RELN: variants seen among roughly 807,000 people sequenced by gnomAD.
RELN encodes the protein reelin.
In RELN, 108 loss-of-function variants were observed where a neutral mutation model predicts 427.6. The observed-to-expected ratio is 0.25, with a 90% CI of 0.22 to 0.30. The LOEUF is 0.30. RELN is among the 10% of genes least tolerant of loss of function. RELN has a pLI of 1.00. For synonymous variants in RELN, 1,524 were observed against 1,513.4 expected, an observed-to-expected ratio of 1.01 and a Z score of -0.16; for missense variants, 3,715 against 4,302.8, an observed-to-expected ratio of 0.86 and a Z score of 3.82.
intron 2 of RELN, among the ~76,000 whole-genome samples, chr7:103,885,961 G>A (rs1357404176): frequency 1.3e-5 from 2 of 151,974 alleles, no homozygotes; most frequent in African/African-American, 4.8e-5. Flanking sequence ...AGAAGAAATG[G>A]TGATTATTTT....
At chr7:103,514,591 G>A (rs751637718) in intron 50 of RELN, among the ~76,000 whole-genome samples, 6 of 152,064 alleles carry the variant, frequency 3.9e-5, no homozygotes, top group South Asian at 2.1e-4. Context: ...CCTGGGAGGC[G>A]GAGGTTGCAG....
intron 2 of RELN, among the ~76,000 whole-genome samples, chr7:103,905,503 A>G (rs1372818987): frequency 6.6e-6 from 1 of 152,070 alleles, no homozygotes; most frequent in African/African-American, 2.4e-5. Context: ...TCAAACTTAA[A>G]GACAGTAATA....
At chr7:103,961,987 G>C (rs747272730) in intron 1 of RELN, among the ~76,000 whole-genome samples, 1 of 152,100 alleles carries the variant, frequency 6.6e-6, no homozygotes, top group Non-Finnish European at 1.5e-5. Context: ...TTAGGGGTGA[G>C]GGGTGGAGAA....
At position 103,514,946 on chromosome 7, in the gene RELN, G is replaced by A. The variant is rs1829523025; in HGVS notation, c.8119+239C>T. On this transcript the variant is annotated intron_variant, in intron 50 of 64. Transcript: ENST00000428762. ...AAATTTTCTAAGAAAAGAAAATCCT[G>A]TTAATAAAATTATAGATTGCTATAT... Among the ~76,000 whole-genome samples, 4 of 152,196 alleles carry A rather than the reference G, an allele frequency of 2.6e-5. No homozygotes were observed. The South Asian group carries it at 8.3e-4, about 32-fold the overall frequency.
chr7:103,588,869 A>G lies in RELN; in HGVS notation c.4145+727T>C, dbSNP rs1831341719. 3.3e-5 allele frequency among the ~76,000 whole-genome samples: 5 copies of G among 152,262 alleles called. No individual in the cohort carries two copies. In the South Asian group the frequency reaches 1.0e-3, roughly 32 times the overall value. ...CTTCTGCACTTCCCACACTGTGCCT[A>G]TTTGCTATGCTATCTATTTGATGTG... On this transcript the variant is annotated intron_variant, in intron 28 of 64. Transcript: ENST00000428762.
At chr7:103,815,182 T>C (rs1013118276) in intron 3 of RELN, among the ~76,000 whole-genome samples, 2 of 151,946 alleles carry the variant, frequency 1.3e-5, no homozygotes, top group African/African-American at 2.4e-5. Flanking sequence ...CATAGAGCTA[T>C]TTCTTGAGTC....
chr7:103,646,091 T>C lies in RELN; in HGVS notation c.2002+4183A>G, dbSNP rs1038911144. Among the ~76,000 whole-genome samples the C allele has an allele frequency of 1.5e-4, 22 of 151,354 alleles. No homozygotes were observed. In the East Asian group the frequency reaches 2.7e-3, roughly 19 times the overall value. On this transcript the variant is annotated intron_variant, in intron 16 of 64. Transcript: ENST00000428762. Reference sequence around the variant, plus strand: ...AAAAAAATTTTGAAATGAGTGAAAATAGAGACATAACAAAACTTCTAAGAT... The same window carrying C: ...AAAAAAATTTTGAAATGAGTGAAAACAGAGACATAACAAAACTTCTAAGAT...
At chr7:103,667,842 G>A (rs1299791683) in intron 11 of RELN, among the ~76,000 whole-genome samples, 1 of 152,048 alleles carries the variant, frequency 6.6e-6, no homozygotes, top group Non-Finnish European at 1.5e-5. Flanking sequence ...GACTATCCAG[G>A]GAAATAATTT....
intron 11 of RELN, among the ~76,000 whole-genome samples, chr7:103,677,242 T>A: frequency 7.4e-6 from 1 of 134,338 alleles, no homozygotes. Flanking sequence ...GAGGGGAACA[T>A]CATACACTAG....
chr7:103,635,617 G>A, intron 18 of RELN, 31 bp from the exon 19 acceptor site: 2 of 1,574,562 alleles, frequency 1.3e-6, no homozygotes, highest in South Asian at 1.1e-5. Flanking sequence ...ATTAGTGTAT[G>A]CATAAACATT....
chr7:103,616,302 G>A (rs1450315755), intron 20 of RELN, among the ~76,000 whole-genome samples: 1 of 152,086 alleles, frequency 6.6e-6, no homozygotes, highest in Non-Finnish European at 1.5e-5. Context: ...ATATTCATCT[G>A]AAGAAGAAGA....
At chr7:103,928,107 T>G (rs965382545) in intron 1 of RELN, among the ~76,000 whole-genome samples, 4 of 152,184 alleles carry the variant, frequency 2.6e-5, no homozygotes, top group Non-Finnish European at 5.9e-5. Context: ...TATAGATTTT[T>G]ATAAACATAT....
chr7:103,590,566 AAATAAAT>A (rs753842578), intron 27 of RELN, among the ~76,000 whole-genome samples: 89,097 of 147,778 alleles, frequency 0.6, 26,569 homozygotes, highest in East Asian at 0.67. Flanking sequence ...TCTCAACAAT[AAATAAAT>A]AAATAAATAA....
intron 64 of RELN, among the ~76,000 whole-genome samples, chr7:103,474,623 A>G (rs1382982258): frequency 6.6e-6 from 1 of 152,096 alleles, no homozygotes; most frequent in Non-Finnish European, 1.5e-5. Flanking sequence ...AAAAACCCCC[A>G]AGGAATTAAT....
chr7:103,493,671 A>G (rs1322286960), intron 57 of RELN, among the ~76,000 whole-genome samples: 1 of 152,172 alleles, frequency 6.6e-6, no homozygotes, highest in African/African-American at 2.4e-5. Context: ...GAGGGGAGAA[A>G]AGCCATAAGA....
chr7:103,748,645 G>T (rs1790915476), intron 6 of RELN, among the ~76,000 whole-genome samples: 1 of 152,092 alleles, frequency 6.6e-6, no homozygotes. Flanking sequence ...AAATAAAACA[G>T]AAATGAATAT....
chr7:103,802,433 A>G (rs772533455), intron 3 of RELN, among the ~76,000 whole-genome samples: 10 of 152,202 alleles, frequency 6.6e-5, no homozygotes, highest in Non-Finnish European at 1.5e-4. Flanking sequence ...TTATTACTGT[A>G]AAACAAATCA....
At chr7:103,894,930 C>A (rs561663842) in intron 2 of RELN, among the ~76,000 whole-genome samples, 1 of 152,134 alleles carries the variant, frequency 6.6e-6, no homozygotes, top group Non-Finnish European at 1.5e-5. Flanking sequence ...AAATCATACA[C>A]TTACCCTGCT....
chr7:103,545,132 T>G lies in RELN; in HGVS notation c.6515A>C (p.Asp2172Ala). 6.2e-7 allele frequency: 1 copy of G among 1,613,180 alleles called. No homozygotes were observed. The highest frequency in any genetic ancestry group is 8.5e-7 in the Non-Finnish European group (1 of 1,179,688). ...TTGTAAGAAAAGACTACCTTCGAAATCATCTTTGAGAAAATCAGGATTTTT... is the reference window on the plus strand; with the variant it reads ...TTGTAAGAAAAGACTACCTTCGAAAGCATCTTTGAGAAAATCAGGATTTTT... ...STKNPDFLKD[D>A]FEGQLESDRF... The change falls in exon 42 of 65, where the codon GAT becomes GCT. Residue 2172 changes from aspartate to alanine, a missense_variant. Transcript: ENST00000428762.
Sources: gnomAD v4.1 joint callset for allele counts (sites outside exome capture counted in the v4.1 genomes callset) on GRCh38, gnomAD v4.1.1 for gene constraint, MANE v1.5 for transcripts, NCBI Gene and HGNC (gene_info 2026-07-23, HGNC 2026-07-21) for gene names.